EBF2: variants seen among roughly 807,000 people sequenced by gnomAD.
The protein encoded by EBF2 is EBF transcription factor 2, also known as transcription factor COE2.
A neutral mutation model predicts 72.8 loss-of-function variants in EBF2; 21 were observed. That is an observed-to-expected ratio of 0.29 (90% CI 0.20 to 0.42). The LOEUF is 0.42. Among genes scored for constraint, EBF2 ranks in the 10% least tolerant of loss-of-function variants. The pLI is 1.00. For synonymous variants in EBF2, 299 were observed against 274.2 expected (o/e 1.09, Z -0.89); for missense variants, 637 against 731.2 (o/e 0.87, Z 1.49).
intron 10 of EBF2, among the ~76,000 whole-genome samples, chr8:25,886,237 AC>A (rs1802688197): frequency 1.3e-5 from 2 of 152,330 alleles, no homozygotes; most frequent in South Asian, 4.1e-4. Context: ...AAGTTTCTAA[AC>A]TTCCAAGTGG....
chr8:25,882,907 A>G (rs1366119615), intron 10 of EBF2, among the ~76,000 whole-genome samples: 1 of 152,264 alleles, frequency 6.6e-6, no homozygotes, highest in African/African-American at 2.4e-5. Flanking sequence ...CACGTCATGC[A>G]AAAGTCGTTA....
In EBF2 at chr8:25,842,929, T is replaced by C. The variant is rs961034502; in HGVS notation, c.*1680A>G. On this transcript the variant is annotated 3_prime_UTR_variant, in exon 16 of 16. Coordinates refer to ENST00000520164, the MANE Select transcript of EBF2 (RefSeq NM_022659.4). ...CCAACCAAGAACCCCAAACTAAGTC[T>C]GTGTATAGACTCTATTGTGGTGCTC... The C allele has an allele frequency of 2.0e-5, 3 of 152,196 alleles. No individual in the cohort carries two copies. The highest frequency in any genetic ancestry group is 7.2e-5 in the African/African-American group (3 of 41,446). The allele number at this position is 152,196 out of a possible 1,614,324, so 9.4% of individuals were successfully genotyped here. A position where few individuals can be genotyped will look rare whatever the true frequency, so the allele number is the denominator to read the frequency against.
At chr8:25,874,884 G>A (rs971689313) in intron 10 of EBF2, among the ~76,000 whole-genome samples, 3 of 138,236 alleles carry the variant, frequency 2.2e-5, no homozygotes, top group Non-Finnish European at 3.1e-5. Context: ...TTTGGAGATG[G>A]GATCTTGCCT....
chr8:25,920,417 G>A (rs1161404396), intron 6 of EBF2, among the ~76,000 whole-genome samples: 1 of 152,208 alleles, frequency 6.6e-6, no homozygotes, highest in Non-Finnish European at 1.5e-5. Context: ...TTGAGAGTCA[G>A]AAAAAGCTAG....
chr8:25,855,572 C>G lies in EBF2; in HGVS notation c.1528+2747G>C, dbSNP rs145233551. 4.1e-3 allele frequency among the ~76,000 whole-genome samples: 624 copies of G among 152,174 alleles called. 4 individuals carry two copies. The highest frequency in any genetic ancestry group is 0.014 in the African/African-American group (591 of 41,488). On this transcript the variant is annotated intron_variant, in intron 14 of 15. Coordinates refer to ENST00000520164, the MANE Select transcript of EBF2 (RefSeq NM_022659.4). ...GCTCCGTGGCATGGTCCAGCCACAT[C>G]AGATGCATTTTAAAAAAAATCATAG...
intron 6 of EBF2, among the ~76,000 whole-genome samples, chr8:25,961,660 C>T (rs1049933619): frequency 6.6e-6 from 1 of 152,030 alleles, no homozygotes; most frequent in Non-Finnish European, 1.5e-5. Context: ...CGCGCCCAGC[C>T]CTAATGTGAG....
chr8:25,969,456 G>A (rs764240727), intron 6 of EBF2, among the ~76,000 whole-genome samples: 3 of 152,162 alleles, frequency 2.0e-5, no homozygotes, highest in Non-Finnish European at 2.9e-5. Context: ...GCCTGCTGAC[G>A]CTTCTGAGTT....
At chr8:25,856,884 C>G (rs1213046990) in intron 14 of EBF2, among the ~76,000 whole-genome samples, 1 of 152,174 alleles carries the variant, frequency 6.6e-6, no homozygotes, top group Admixed American at 6.5e-5. Flanking sequence ...AAATGACTCC[C>G]TTGAATAGAC....
At chr8:25,943,989 G>T (rs551563825) in intron 6 of EBF2, among the ~76,000 whole-genome samples, 1 of 152,148 alleles carries the variant, frequency 6.6e-6, no homozygotes, top group Non-Finnish European at 1.5e-5. Flanking sequence ...TCCCAGACTC[G>T]TGGTCTCCAA....
At chr8:25,961,930 C>T (rs978146937) in intron 6 of EBF2, among the ~76,000 whole-genome samples, 1 of 152,156 alleles carries the variant, frequency 6.6e-6, no homozygotes, top group African/African-American at 2.4e-5. Context: ...ACAGCTTCTC[C>T]AAACTGTCCT....
At chr8:25,846,919 T>A (rs10866844) in intron 15 of EBF2, among the ~76,000 whole-genome samples, 44,755 of 151,938 alleles carry the variant, frequency 0.29, 6,747 homozygotes, top group South Asian at 0.41. Flanking sequence ...AGACAGAAAG[T>A]AATAATCTCC....
intron 6 of EBF2, among the ~76,000 whole-genome samples, chr8:25,921,903 G>T: frequency 6.6e-6 from 1 of 152,194 alleles, no homozygotes; most frequent in East Asian, 1.9e-4. Context: ...CCTGGGCACT[G>T]CTTCTGTGCA....
At chr8:25,859,200 G>A (rs1257731744) in intron 13 of EBF2, among the ~76,000 whole-genome samples, 1 of 152,194 alleles carries the variant, frequency 6.6e-6, no homozygotes, top group Non-Finnish European at 1.5e-5. Context: ...GTTATGCACT[G>A]TAGCCATTTC....
intron 6 of EBF2, among the ~76,000 whole-genome samples, chr8:25,967,702 T>C (rs955104518): frequency 1.4e-4 from 22 of 152,322 alleles, no homozygotes; most frequent in South Asian, 6.2e-4. Context: ...GAAGGACTAG[T>C]TTCCTTACTC....
At chr8:25,995,793 C>T (rs1804616000) in intron 6 of EBF2, among the ~76,000 whole-genome samples, 1 of 151,768 alleles carries the variant, frequency 6.6e-6, no homozygotes, top group African/African-American at 2.4e-5. Flanking sequence ...AATGCATTAA[C>T]TGTGTAAAAA....
At chr8:25,971,930 A>C (rs1585212206) in intron 6 of EBF2, among the ~76,000 whole-genome samples, 1 of 152,190 alleles carries the variant, frequency 6.6e-6, no homozygotes, top group Non-Finnish European at 1.5e-5. Context: ...TGGGCGCCTC[A>C]GGCGGCCAGG....
At chr8:25,865,451 G>C (rs1476772533) in intron 10 of EBF2, among the ~76,000 whole-genome samples, 2 of 152,104 alleles carry the variant, frequency 1.3e-5, no homozygotes, top group Admixed American at 6.5e-5. Context: ...ATCAGCTTTA[G>C]AGTTGAGTAG....
At chr8:25,947,274 A>T (rs1477472666) in intron 6 of EBF2, among the ~76,000 whole-genome samples, 1 of 152,092 alleles carries the variant, frequency 6.6e-6, no homozygotes, top group Non-Finnish European at 1.5e-5. Flanking sequence ...TGTAAAGGAG[A>T]GTTCCCCTGC....
intron 6 of EBF2, among the ~76,000 whole-genome samples, chr8:26,000,470 A>C (rs1804706069): frequency 6.6e-6 from 1 of 152,220 alleles, no homozygotes; most frequent in Non-Finnish European, 1.5e-5. Context: ...TTGTATGAGA[A>C]AAATAAGACA....
Sources: gnomAD v4.1 joint callset for allele counts (sites outside exome capture counted in the v4.1 genomes callset) on GRCh38, gnomAD v4.1.1 for gene constraint, MANE v1.5 for transcripts, NCBI Gene and HGNC (gene_info 2026-07-23, HGNC 2026-07-21) for gene names.